FAXC: variants seen among roughly 807,000 people sequenced by gnomAD.
FAXC encodes the protein failed axon connections homolog, metaxin like GST domain containing, also known as failed axon connections homolog.
In FAXC, 10 loss-of-function variants were observed where a neutral mutation model predicts 41.9. The ratio of observed to expected loss-of-function variants is 0.24; its 90% CI spans 0.15 to 0.41. The LOEUF is 0.41. FAXC is among the 10% of genes least tolerant of loss of function. The pLI is 1.00. For missense variants in FAXC, 399 were observed against 510.9 expected (o/e 0.78, Z 2.11); for synonymous variants, 183 against 183.8 (o/e 1.00, Z 0.03).
At chr6:99,343,776 A>T (rs1773501379) in intron 1 of FAXC, among the ~76,000 whole-genome samples, 1 of 151,898 alleles carries the variant, frequency 6.6e-6, no homozygotes. Flanking sequence ...CCCTCACCTA[A>T]CCCTTCTTTC....
In FAXC at chr6:99,337,539, C is replaced by T. The variant is rs569552677; in HGVS notation, c.403-3992G>A. 3.0e-4 allele frequency among the ~76,000 whole-genome samples: 46 copies of T among 152,256 alleles called. No homozygotes were observed. The South Asian group carries it at 9.6e-3, about 32-fold the overall frequency. ...TAGGATATCAGGTAATTTTCACTTT[C>T]CACATACACTGTTTTGTACTGTTTG... On this transcript the variant is annotated intron_variant, in intron 2 of 5. Coordinates refer to ENST00000389677, the MANE Select transcript of FAXC (RefSeq NM_032511.4).
At chr6:99,290,633 C>T (rs947582619) in intron 5 of FAXC, among the ~76,000 whole-genome samples, 7 of 150,614 alleles carry the variant, frequency 4.6e-5, no homozygotes, top group East Asian at 2.0e-4. Flanking sequence ...ACCCGGGAGG[C>T]GGAGGTTGTA....
At position 99,278,418 on chromosome 6, in the gene FAXC, C is replaced by T. The variant is rs1179085877; in HGVS notation, c.*2746G>A. On this transcript the variant is annotated 3_prime_UTR_variant, in exon 6 of 6. Transcript: ENST00000389677. ...AAGCATCTGTTAACATTAAAGATCA[C>T]ATACTTCAAGTTACCTTCCAGCAAA... 1.3e-5 allele frequency: 2 copies of T among 152,204 alleles called. No individual in the cohort carries two copies. Among genetic ancestry groups the T allele is most frequent in the South Asian group, 2.1e-4 (1 of 4,832 alleles). 9.4% of individuals were successfully genotyped at this position (152,204 alleles called of 1,614,324 possible). A position where few individuals can be genotyped will look rare whatever the true frequency, so the allele number is the denominator to read the frequency against.
chr6:99,291,657 C>T (rs761788791), intron 5 of FAXC, 47 bp downstream of exon 5: 18 of 1,410,000 alleles, frequency 1.3e-5, no homozygotes, highest in Non-Finnish European at 1.5e-5. Context: ...CCACTGCCCA[C>T]CCAGCCCCAG....
chr6:99,318,919 CCTCT>C (rs1261122787), intron 4 of FAXC, among the ~76,000 whole-genome samples: 1 of 152,188 alleles, frequency 6.6e-6, no homozygotes, highest in East Asian at 1.9e-4. Flanking sequence ...AAAAACCTCA[CCTCT>C]CTGTTTTTGA....
rs10527054 is a variant in FAXC, at chr6:99,272,146, A to ATGTGTGTGTGTGTGTGTG, written c.*9000_*9017dup. The ATGTGTGTGTGTGTGTGTG allele has an allele frequency of 3.8e-4, 54 of 143,970 alleles. 1 individual carries two copies. The highest frequency in any genetic ancestry group is 1.6e-3 in the South Asian group (7 of 4,244). The allele number at this position is 143,970 out of a possible 1,614,324, so 8.9% of individuals were successfully genotyped here. On this transcript the variant is annotated 3_prime_UTR_variant, in exon 6 of 6. Coordinates refer to ENST00000389677, the MANE Select transcript of FAXC (RefSeq NM_032511.4). ...AGGTATGAAAACTAATTGAGACTAT[A>ATGTGTGTGTGTGTGTGTG]TGTGTGTGTGTGTGTGTGTGTGTGT... is the stretch of plus-strand genomic sequence containing the variant.
chr6:99,316,166 C>T (rs966805802), intron 4 of FAXC, among the ~76,000 whole-genome samples: 20 of 135,114 alleles, frequency 1.5e-4, no homozygotes, highest in African/African-American at 5.0e-4. Flanking sequence ...CGCCCCCCCC[C>T]ACCCACAAGG....
At chr6:99,318,741 G>A (rs755316339) in intron 4 of FAXC, among the ~76,000 whole-genome samples, 8 of 152,110 alleles carry the variant, frequency 5.3e-5, no homozygotes, top group Non-Finnish European at 1.2e-4. Context: ...CTGTGATGTA[G>A]GTATTGTTCT....
At chr6:99,311,135 T>G (rs1190532580) in intron 4 of FAXC, among the ~76,000 whole-genome samples, 1 of 152,254 alleles carries the variant, frequency 6.6e-6, no homozygotes, top group Non-Finnish European at 1.5e-5. Flanking sequence ...TTTAAAGCAC[T>G]GAGACTTCAG....
At position 99,277,669 on chromosome 6, in the gene FAXC, T is replaced by C. The variant is rs1770680833; in HGVS notation, c.*3495A>G. On this transcript the variant is annotated 3_prime_UTR_variant, in exon 6 of 6. Coordinates refer to ENST00000389677, the MANE Select transcript of FAXC (RefSeq NM_032511.4). The stretch of plus-strand genomic sequence containing the variant: ...TCCAACCAGGGAATGGCTGGAGATG[T>C]GCTGGTTGTCTGAACACAGGGTGAC... 1 of 152,248 alleles carries C rather than the reference T, an allele frequency of 6.6e-6. No homozygotes were observed. Among genetic ancestry groups the C allele is most frequent in the Admixed American group, 6.5e-5 (1 of 15,276 alleles). 9.4% of individuals were successfully genotyped at this position (152,248 alleles called of 1,614,324 possible).
intron 5 of FAXC, among the ~76,000 whole-genome samples, chr6:99,282,365 C>G (rs1045121262): frequency 2.0e-5 from 3 of 152,084 alleles, no homozygotes; most frequent in Non-Finnish European, 4.4e-5. Flanking sequence ...TAAACCTTTC[C>G]CCCCAAAAAA....
intron 1 of FAXC, among the ~76,000 whole-genome samples, chr6:99,346,545 C>T (rs1254073217): frequency 1.3e-5 from 2 of 151,856 alleles, no homozygotes; most frequent in Non-Finnish European, 1.5e-5. Flanking sequence ...CGTGCCACCA[C>T]GCCAGGCTAA....
In FAXC at chr6:99,271,214, G is replaced by A. The variant is rs1770388790; in HGVS notation, c.*9950C>T. On this transcript the variant is annotated 3_prime_UTR_variant, in exon 6 of 6. Transcript: ENST00000389677. The stretch of plus-strand genomic sequence containing the variant: ...AACGACTCTGAGATCACAGCACATT[G>A]GAAAGGTAAATGACCCTCTTCCCTC... 6.6e-6 allele frequency: 1 copy of A among 152,146 alleles called. No individual in the cohort carries two copies. Among genetic ancestry groups the A allele is most frequent in the Non-Finnish European group, 1.5e-5 (1 of 68,020 alleles). The allele number at this position is 152,146 out of a possible 1,614,324, so 9.4% of individuals were successfully genotyped here.
intron 3 of FAXC, 124 bp from the exon 4 acceptor site, chr6:99,323,791 A>C (rs1168435160): frequency 1.7e-5 from 12 of 695,204 alleles, no homozygotes; most frequent in Non-Finnish European, 2.7e-5. Context: ...TGCAGCTTTA[A>C]TAAAGAGCAA....
intron 4 of FAXC, among the ~76,000 whole-genome samples, chr6:99,315,244 A>C (rs1189427929): frequency 2.4e-5 from 3 of 127,360 alleles, no homozygotes; most frequent in Non-Finnish European, 4.9e-5. Flanking sequence ...AAAAAAAAAA[A>C]AAAAAAAAAA....
intron 4 of FAXC, among the ~76,000 whole-genome samples, chr6:99,300,473 A>G (rs1562159917): frequency 6.6e-6 from 1 of 152,192 alleles, no homozygotes; most frequent in Non-Finnish European, 1.5e-5. Context: ...TCCAACAAAG[A>G]TATCAGTTTT....
At chr6:99,330,560 A>G (rs1361753727) in intron 3 of FAXC, among the ~76,000 whole-genome samples, 1 of 152,240 alleles carries the variant, frequency 6.6e-6, no homozygotes. Flanking sequence ...GTGATGTAAT[A>G]TAACAATGCT....
In FAXC at chr6:99,349,286, C is replaced by A; in HGVS notation, c.87G>T (p.Trp29Cys). The change falls in exon 1 of 6, where the codon TGG (tryptophan) becomes TGT (cysteine). Residue 29 changes from tryptophan to cysteine, a missense_variant. Physicochemically the swap from Trp to Cys is radical, Grantham distance 215 (BLOSUM62 -2). Transcript: ENST00000389677. ...AGGAGAAGGGCTCCTCGGACCCGGCCCACCAGCCGAAGAAGGAGATGCTCT... is the reference window on the plus strand; with the variant it reads ...AGGAGAAGGGCTCCTCGGACCCGGCACACCAGCCGAAGAAGGAGATGCTCT... ...WNQSISFFGW[W>C]AGSEEPFSFY... The A allele has an allele frequency of 6.2e-7, 1 of 1,613,448 alleles. No homozygotes were observed. Among genetic ancestry groups the A allele is most frequent in the South Asian group, 1.1e-5 (1 of 91,088 alleles).
chr6:99,324,339 A>T (rs1772712747), intron 3 of FAXC, among the ~76,000 whole-genome samples: 1 of 152,140 alleles, frequency 6.6e-6, no homozygotes, highest in Admixed American at 6.5e-5. Flanking sequence ...AGTAGCTGTG[A>T]CTACAGGCAT....
Sources: gnomAD v4.1 joint callset for allele counts (sites outside exome capture counted in the v4.1 genomes callset) on GRCh38, gnomAD v4.1.1 for gene constraint, MANE v1.5 for transcripts, NCBI Gene and HGNC (gene_info 2026-07-23, HGNC 2026-07-21) for gene names.